Variants in PCDHGA1 observed in about 807,000 individuals in gnomAD.
The protein encoded by PCDHGA1 is protocadherin gamma subfamily A, 1, also known as protocadherin gamma-A1.
In PCDHGA1, 32 loss-of-function variants were observed where a neutral mutation model predicts 58.0. That is an observed-to-expected ratio of 0.55 (90% CI 0.42 to 0.74). The LOEUF (loss-of-function observed/expected upper bound fraction) is 0.74, where lower values mean the gene tolerates loss of function less well. PCDHGA1 is among the 30% of genes least tolerant of loss of function. PCDHGA1 has a pLI of 0.00. For missense variants in PCDHGA1, 1,205 were observed against 1,182.3 expected (o/e 1.02, Z -0.28); for synonymous variants, 498 against 501.1 (o/e 0.99, Z 0.08).
intron 1 of PCDHGA1, chr5:141,391,586 AAT>A (rs1412247634): frequency 6.6e-6 from 1 of 152,234 alleles, no homozygotes; most frequent in Non-Finnish European, 1.5e-5. Flanking sequence ...TTCACAGGAA[AAT>A]ATAAAGTTTT....
intron 1 of PCDHGA1, chr5:141,367,897 G>C (rs1471279698): frequency 6.6e-6 from 1 of 151,856 alleles, no homozygotes; most frequent in Admixed American, 6.6e-5. Flanking sequence ...TTGAGTTTAA[G>C]GTTGTATTTG....
intron 1 of PCDHGA1, among the ~76,000 whole-genome samples, chr5:141,446,448 T>C (rs954515926): frequency 2.6e-5 from 4 of 152,028 alleles, no homozygotes; most frequent in Non-Finnish European, 5.9e-5. Context: ...ACAGTGCAGA[T>C]ATTCAGTGTG....
intron 1 of PCDHGA1, among the ~76,000 whole-genome samples, chr5:141,348,412 A>G (rs537874788): frequency 2.1e-4 from 32 of 152,370 alleles, no homozygotes; most frequent in African/African-American, 7.7e-4. Context: ...CAAAAGAAAA[A>G]GGCACGTAAC....
rs1765306389 is a variant in PCDHGA1 at position 141,367,734 on chromosome 5, C to G, written c.2421+34629C>G. On this transcript the variant is annotated intron_variant, in intron 1 of 3. Transcript: ENST00000517417. The stretch of plus-strand genomic sequence containing the variant: ...TTGGGCTTCGTTCTGTGATGTAAAG[C>G]CTCCAGAGAGTTACATACTGCTGCA... 3 of 152,132 alleles carry G rather than the reference C, an allele frequency of 2.0e-5. No homozygotes were observed. In the South Asian group the frequency reaches 6.2e-4, roughly 32 times the overall value. The allele number at this position is 152,132 out of a possible 1,614,324, so 9.4% of individuals were successfully genotyped here. A position where few individuals can be genotyped will look rare whatever the true frequency, so the allele number is the denominator to read the frequency against.
At chr5:141,385,253 G>A (rs1234375073) in intron 1 of PCDHGA1, 1 of 1,613,650 alleles carries the variant, frequency 6.2e-7, no homozygotes, top group Non-Finnish European at 8.5e-7. Flanking sequence ...CAGGAGAGCT[G>A]TGAGAAAAAT....
chr5:141,405,327 G>A, intron 1 of PCDHGA1: 1 of 1,614,166 alleles, frequency 6.2e-7, no homozygotes. Flanking sequence ...GAGCCTTTGT[G>A]CGTCTCTGTT....
At chr5:141,394,710 C>T in intron 1 of PCDHGA1, 1 of 1,613,354 alleles carries the variant, frequency 6.2e-7, no homozygotes. Context: ...GCGAGCCCTG[C>T]TGGACAGAGA....
At chr5:141,340,920 G>C in intron 1 of PCDHGA1, 1 of 1,613,752 alleles carries the variant, frequency 6.2e-7, no homozygotes, top group South Asian at 1.1e-5. Context: ...CAGGACCACG[G>C]CCAGCCCCCT....
intron 1 of PCDHGA1, chr5:141,364,994 C>T: frequency 1.2e-6 from 2 of 1,613,924 alleles, no homozygotes; most frequent in Non-Finnish European, 1.7e-6. Flanking sequence ...AGACCCGGTA[C>T]TCTCCGGCAC....
In PCDHGA1 at chr5:141,487,678, C is replaced by T. The variant is rs1416406108; in HGVS notation, c.2422-7129C>T. ...ATTCTGATCCAGGCATATGGCTAGG[C>T]CATGTCCTAGAGAGTACTGGCCTCT... On this transcript the variant is annotated intron_variant, in intron 1 of 3. Transcript: ENST00000517417. The surrounding 1 kb of genome is among the most constrained non-coding windows in gnomAD (Gnocchi z 5.0). 6.2e-7 allele frequency: 1 copy of T among 1,609,696 alleles called. No individual in the cohort carries two copies. Among genetic ancestry groups the T allele is most frequent in the South Asian group, 1.1e-5 (1 of 90,230 alleles).
intron 1 of PCDHGA1, chr5:141,375,657 T>C (rs1588774279): frequency 6.2e-7 from 1 of 1,614,192 alleles, no homozygotes; most frequent in Non-Finnish European, 8.5e-7. Flanking sequence ...TATGAGCAGT[T>C]GAGAGACCTA....
intron 1 of PCDHGA1, chr5:141,408,786 C>A: frequency 6.2e-7 from 1 of 1,612,430 alleles, no homozygotes; most frequent in Non-Finnish European, 8.5e-7. Flanking sequence ...CCAGAGTTAT[C>A]TCTGGAGAAA....
intron 1 of PCDHGA1, among the ~76,000 whole-genome samples, chr5:141,386,362 G>A (rs1285554716): frequency 6.6e-6 from 1 of 152,108 alleles, no homozygotes; most frequent in African/African-American, 2.4e-5. Context: ...CTTGATTCCA[G>A]AGACCTTTGA....
intron 1 of PCDHGA1, chr5:141,408,641 T>G: frequency 6.2e-7 from 1 of 1,614,034 alleles, no homozygotes; most frequent in Non-Finnish European, 8.5e-7. Context: ...CGAATCTGCA[T>G]CCGCTGGTAC....
At chr5:141,360,244 A>G (rs764630528) in intron 1 of PCDHGA1, 3 of 1,613,962 alleles carry the variant, frequency 1.9e-6, no homozygotes, top group Non-Finnish European at 2.5e-6. Context: ...CCGCTATTCA[A>G]TTCCAGAGGA....
rs1001719735 is a variant in PCDHGA1 at position 141,512,055 on chromosome 5, TGAC to T, written c.*883_*885del. 10 of 152,698 alleles carry T rather than the reference TGAC, an allele frequency of 6.5e-5. No homozygotes were observed. The highest frequency in any genetic ancestry group is 1.4e-4 in the African/African-American group (6 of 41,450). 9.5% of individuals were successfully genotyped at this position (152,698 alleles called of 1,614,324 possible). On this transcript the variant is annotated 3_prime_UTR_variant, in exon 4 of 4. Coordinates refer to ENST00000517417, the MANE Select transcript of PCDHGA1 (RefSeq NM_018912.3). ...GAGGCTCTGTATGTCCTCAGGGGACTGACAACATCCTCCAGATTCCAGCCATAA... is the reference window on the plus strand; with the variant it reads ...GAGGCTCTGTATGTCCTCAGGGGACTAACATCCTCCAGATTCCAGCCATAA...
chr5:141,412,847 A>G (rs1206334568), intron 1 of PCDHGA1: 1 of 213,282 alleles, frequency 4.7e-6, no homozygotes, highest in Non-Finnish European at 9.1e-6. Flanking sequence ...AGGAGTGGAG[A>G]AACCAAAGAA....
Position 141,348,380 on chromosome 5 carries a change from G to A in PCDHGA1, c.2421+15275G>A, listed in dbSNP as rs191012446. ...GCCTAGGACTTTGAGACCTACTTGG[G>A]CAACATAGCATGACCCTGTCTCAAA... On this transcript the variant is annotated intron_variant, in intron 1 of 3. Coordinates refer to ENST00000517417, the MANE Select transcript of PCDHGA1 (RefSeq NM_018912.3). Among the ~76,000 whole-genome samples, 617 of 152,166 alleles carry A rather than the reference G, an allele frequency of 4.1e-3. 6 individuals are homozygous for A. The highest frequency in any genetic ancestry group is 0.011 in the Admixed American group (174 of 15,286).
In PCDHGA1 at chr5:141,431,561, G is replaced by T; in HGVS notation, c.2422-63246G>T. The T allele has an allele frequency of 6.2e-7, 1 of 1,614,146 alleles. No homozygotes were observed. On this transcript the variant is annotated intron_variant, in intron 1 of 3. Transcript: ENST00000517417. This position sits in a 1 kb window ranked among gnomAD's most constrained non-coding sequence, Gnocchi z 4.8. Reference sequence around the variant, plus strand: ...GCAGCTGCTTGTAGTCAACGCTACCGACCCTGACGAAGGAGTCAATGCGGA... The same window carrying T: ...GCAGCTGCTTGTAGTCAACGCTACCTACCCTGACGAAGGAGTCAATGCGGA...
Sources: gnomAD v4.1 joint callset for allele counts (sites outside exome capture counted in the v4.1 genomes callset) on GRCh38, gnomAD v4.1.1 for gene constraint, Gnocchi (gnomAD v3.1) non-coding constraint, MANE v1.5 for transcripts, NCBI Gene and HGNC (gene_info 2026-07-23, HGNC 2026-07-21) for gene names.